The following PCDHGC4 variants were observed in gnomAD, a reference collection of about 807,000 sequenced individuals.
PCDHGC4 encodes protocadherin gamma-C4.
Under a neutral mutation model 59.7 loss-of-function variants are expected in PCDHGC4, and 15 were observed. That is an observed-to-expected ratio of 0.25 (90% CI 0.17 to 0.39). The LOEUF (loss-of-function observed/expected upper bound fraction) is 0.39. PCDHGC4 is among the 10% of genes least tolerant of loss of function. The probability of loss-of-function intolerance (pLI) is 1.00; values close to 1 mark genes in which losing one functional copy is unlikely to be tolerated. For missense variants in PCDHGC4, 1,016 were observed against 1,189.5 expected (o/e 0.85, Z 2.15); for synonymous variants, 434 against 481.4 (o/e 0.90, Z 1.29).
chr5:141,502,027 C>T (rs547850211), intron 2 of PCDHGC4, among the ~76,000 whole-genome samples: 6 of 152,274 alleles, frequency 3.9e-5, no homozygotes, highest in African/African-American at 9.6e-5. Flanking sequence ...CTGCAACCCC[C>T]GCCGCTTGCC....
intron 1 of PCDHGC4, among the ~76,000 whole-genome samples, chr5:141,488,544 C>G (rs1225754325): frequency 6.6e-6 from 1 of 152,166 alleles, no homozygotes; most frequent in African/African-American, 2.4e-5. Flanking sequence ...AGTCCCATGT[C>G]AGCTGACATT....
chr5:141,500,036 T>C (rs1001193977), intron 2 of PCDHGC4, among the ~76,000 whole-genome samples: 8 of 152,176 alleles, frequency 5.3e-5, no homozygotes, highest in African/African-American at 1.9e-4. Flanking sequence ...TGAGTGTCTC[T>C]TAAGTATCTT....
In PCDHGC4 at chr5:141,489,399, C is replaced by A. The variant is rs2099686689; in HGVS notation, c.2442+1784C>A. On this transcript the variant is annotated intron_variant, in intron 1 of 3. Coordinates refer to ENST00000306593, the MANE Select transcript of PCDHGC4 (RefSeq NM_018928.3). The surrounding 1 kb of genome is among the most constrained non-coding windows in gnomAD (Gnocchi z 4.5). ...TGGGGAATGTTGCTCAGGATCTGGGCTTAAAGATGACAGATCTGTTGAGCC... is the reference window on the plus strand; with the variant it reads ...TGGGGAATGTTGCTCAGGATCTGGGATTAAAGATGACAGATCTGTTGAGCC... 1 of 1,614,024 alleles carries A rather than the reference C, an allele frequency of 6.2e-7. No homozygotes were observed. Among genetic ancestry groups the A allele is most frequent in the African/African-American group, 1.3e-5 (1 of 74,910 alleles).
Position 141,489,091 on chromosome 5 carries a change from T to A in PCDHGC4, c.2442+1476T>A. 1.9e-4 allele frequency: 63 copies of A among 332,802 alleles called. No individual in the cohort carries two copies. Among genetic ancestry groups the A allele is most frequent in the East Asian group, 2.9e-4 (6 of 20,542 alleles). The allele number at this position is 332,802 out of a possible 1,614,324, so 20.6% of individuals were successfully genotyped here. A position where few individuals can be genotyped will look rare whatever the true frequency, so the allele number is the denominator to read the frequency against. ...CTGCCCACCCCCGCCACTCGGTGAC[T>A]AAGAACTGCTGCAAGCAGGCAAACC... On this transcript the variant is annotated intron_variant, in intron 1 of 3. Transcript: ENST00000306593. This position sits in a 1 kb window ranked among gnomAD's most constrained non-coding sequence, Gnocchi z 4.5.
Position 141,490,413 on chromosome 5 carries a change from G to A in PCDHGC4, c.2442+2798G>A, listed in dbSNP as rs2233606. On this transcript the variant is annotated intron_variant, in intron 1 of 3. Transcript: ENST00000306593. The surrounding 1 kb of genome is among the most constrained non-coding windows in gnomAD (Gnocchi z 5.4). ...GTGAAGTGAGCCTTGATATCTCTCC[G>A]GACCTGCCATTTCAGATTAAGCCTT... 2.3e-3 allele frequency: 3,787 copies of A among 1,614,128 alleles called. 38 individuals are homozygous for A. In the African/African-American group the frequency reaches 0.027, roughly 12 times the overall value.
intron 2 of PCDHGC4, among the ~76,000 whole-genome samples, chr5:141,500,231 C>T (rs992215482): frequency 1.4e-5 from 2 of 138,098 alleles, no homozygotes; most frequent in East Asian, 4.1e-4. Context: ...TTTATTGATA[C>T]GTAGCCTTGC....
chr5:141,488,480 C>A (rs935896624), intron 1 of PCDHGC4, among the ~76,000 whole-genome samples: 6 of 152,298 alleles, frequency 3.9e-5, no homozygotes, highest in African/African-American at 1.4e-4. Flanking sequence ...GTTCCCCTAC[C>A]CAAAAACTGT....
At position 141,487,939 on chromosome 5, in the gene PCDHGC4, C is replaced by A; in HGVS notation, c.2442+324C>A. ...AGGCTACAGTGCACAGGGTACAGTG[C>A]ACCAGGCAGTCACTTGGACAAAGGT... On this transcript the variant is annotated intron_variant, in intron 1 of 3. Coordinates refer to ENST00000306593, the MANE Select transcript of PCDHGC4 (RefSeq NM_018928.3). The surrounding 1 kb of genome is among the most constrained non-coding windows in gnomAD (Gnocchi z 5.0). The A allele has an allele frequency of 1.7e-6, 1 of 600,512 alleles. No individual in the cohort carries two copies. Among genetic ancestry groups the A allele is most frequent in the Non-Finnish European group, 2.9e-6 (1 of 343,042 alleles). The allele number at this position is 600,512 out of a possible 1,614,324, so 37.2% of individuals were successfully genotyped here.
At chr5:141,505,532 G>A in intron 3 of PCDHGC4, 51 bp downstream of exon 3, 2 of 1,611,270 alleles carry the variant, frequency 1.2e-6, no homozygotes, top group Non-Finnish European at 1.7e-6. Context: ...GGGGTTCTGG[G>A]GTGCATCTCA....
chr5:141,490,412 C>T lies in PCDHGC4; in HGVS notation c.2442+2797C>T, dbSNP rs2233605. 10 of 1,614,062 alleles carry T rather than the reference C, an allele frequency of 6.2e-6. No homozygotes were observed. The highest frequency in any genetic ancestry group is 4.0e-5 in the African/African-American group (3 of 74,910). Reference sequence around the variant, plus strand: ...GGTGAAGTGAGCCTTGATATCTCTCCGGACCTGCCATTTCAGATTAAGCCT... The same window carrying T: ...GGTGAAGTGAGCCTTGATATCTCTCTGGACCTGCCATTTCAGATTAAGCCT... On this transcript the variant is annotated intron_variant, in intron 1 of 3. Transcript: ENST00000306593. This position sits in a 1 kb window ranked among gnomAD's most constrained non-coding sequence, Gnocchi z 5.4.
In PCDHGC4 at chr5:141,511,345, TCC is replaced by T; in HGVS notation, c.*178_*179del. 1 of 1,410,484 alleles carries T rather than the reference TCC, an allele frequency of 7.1e-7. No homozygotes were observed. The highest frequency in any genetic ancestry group is 9.4e-7 in the Non-Finnish European group (1 of 1,060,658). The allele number at this position is 1,410,484 out of a possible 1,614,324, so 87.4% of individuals were successfully genotyped here. On this transcript the variant is annotated 3_prime_UTR_variant, in exon 4 of 4. Coordinates refer to ENST00000306593, the MANE Select transcript of PCDHGC4 (RefSeq NM_018928.3). ...AAGTGCCCAGTCAGCACCTACCCCT[TCC>T]CCCCCAGGGGGTTGAATATGCAAAA... is the stretch of plus-strand genomic sequence containing the variant.
In PCDHGC4 at chr5:141,489,153, G is replaced by A; in HGVS notation, c.2442+1538G>A. The A allele has an allele frequency of 1.1e-6, 1 of 935,832 alleles. No homozygotes were observed. The highest frequency in any genetic ancestry group is 1.6e-6 in the Non-Finnish European group (1 of 627,178). 58.0% of individuals were successfully genotyped at this position (935,832 alleles called of 1,614,324 possible). A position where few individuals can be genotyped will look rare whatever the true frequency, so the allele number is the denominator to read the frequency against. ...TTTAAGAGGCTGGAAGGAGACATAA[G>A]AGACTTCAGCTGCTGCATTCCAAGC... On this transcript the variant is annotated intron_variant, in intron 1 of 3. Coordinates refer to ENST00000306593, the MANE Select transcript of PCDHGC4 (RefSeq NM_018928.3). This position sits in a 1 kb window ranked among gnomAD's most constrained non-coding sequence, Gnocchi z 4.5.
At chr5:141,497,468 G>A (rs912445126) in intron 2 of PCDHGC4, among the ~76,000 whole-genome samples, 10 of 151,996 alleles carry the variant, frequency 6.6e-5, no homozygotes, top group African/African-American at 2.4e-4. Flanking sequence ...GAGATATGGA[G>A]GAGAAGGTGC....
intron 2 of PCDHGC4, among the ~76,000 whole-genome samples, chr5:141,500,739 C>T (rs1199462920): frequency 6.6e-6 from 1 of 152,114 alleles, no homozygotes; most frequent in Non-Finnish European, 1.5e-5. Context: ...CAAAATTCTT[C>T]CCAAGTCATT....
chr5:141,497,740 C>T (rs954595046), intron 2 of PCDHGC4, among the ~76,000 whole-genome samples: 1 of 152,054 alleles, frequency 6.6e-6, no homozygotes, highest in South Asian at 2.1e-4. Context: ...GGTTTCGCCA[C>T]GTTGGCCAGG....
chr5:141,504,315 A>G (rs573050088), intron 2 of PCDHGC4, among the ~76,000 whole-genome samples: 1 of 152,248 alleles, frequency 6.6e-6, no homozygotes, highest in East Asian at 1.9e-4. Flanking sequence ...AGTTTCTAAA[A>G]GTCTCACTTA....
rs1264759473 is a variant in PCDHGC4 at position 141,486,183 on chromosome 5, G to A, written c.1010G>A (p.Arg337Gln). Residue 337 changes from arginine to glutamine, a missense_variant, in exon 1 of 4, where the codon CGA (arginine) becomes CAA (glutamine). By Grantham distance (43) the Arg-to-Gln change is conservative. Transcript: ENST00000306593. The surrounding 1 kb of genome is among the most constrained non-coding windows in gnomAD (Gnocchi z 5.0). ...SPAMEQHCSL[R>Q]VDLLDVNDNA... is the part of the protein sequence containing the mutation. The stretch of plus-strand genomic sequence containing the variant: ...GCCATGGAGCAACATTGCAGCCTTC[G>A]AGTGGATCTGCTGGACGTAAATGAC... 3 of 1,614,154 alleles carry A rather than the reference G, an allele frequency of 1.9e-6. No homozygotes were observed. The highest frequency in any genetic ancestry group is 1.1e-5 in the South Asian group (1 of 91,082).
intron 2 of PCDHGC4, among the ~76,000 whole-genome samples, chr5:141,503,292 A>G (rs7710319): frequency 6.6e-6 from 1 of 151,928 alleles, no homozygotes; most frequent in African/African-American, 2.4e-5. Flanking sequence ...TGGTACATAG[A>G]AATTGCTCAA....
At chr5:141,494,972 C>A in intron 2 of PCDHGC4, 107 bp downstream of exon 2, 1 of 1,581,852 alleles carries the variant, frequency 6.3e-7, no homozygotes, top group South Asian at 1.1e-5. Flanking sequence ...TGGCTTCTCC[C>A]TCAGTTTGAG....
Sources: gnomAD v4.1 joint callset for allele counts (sites outside exome capture counted in the v4.1 genomes callset) on GRCh38, gnomAD v4.1.1 for gene constraint, Gnocchi (gnomAD v3.1) non-coding constraint, MANE v1.5 for transcripts, NCBI Gene and HGNC (gene_info 2026-07-23, HGNC 2026-07-21) for gene names.